Variants in SEPTIN6 observed in about 807,000 individuals in gnomAD.
The protein encoded by SEPTIN6 is septin-6.
SEPTIN6 carries 8 observed loss-of-function variants against 33.6 expected under a neutral mutation model. That is an observed-to-expected ratio of 0.24 (90% CI 0.14 to 0.43). SEPTIN6 has a LOEUF of 0.43. Ranked by LOEUF, SEPTIN6 falls within the 20% of genes least tolerant of loss-of-function variation. SEPTIN6 has a pLI of 1.00. For synonymous variants in SEPTIN6, 131 were observed against 140.0 expected (o/e 0.94, Z 0.45); for missense variants, 250 against 340.8 (o/e 0.73, Z 2.10).
At chrX:119,676,452 G>GAA (rs1365480577) in intron 1 of SEPTIN6, among the ~76,000 whole-genome samples, 2 of 91,304 alleles carry the variant, frequency 2.2e-5, no homozygotes, top group East Asian at 6.9e-4. Flanking sequence ...CAATAAGAGC[G>GAA]AAACTCTGTC....
downstream of SEPTIN6, chrX:119,616,306 C>G (rs937159882): frequency 3.2e-6 from 1 of 311,584 alleles, no homozygotes; most frequent in East Asian, 5.5e-5. Flanking sequence ...GACAGTCAAC[C>G]CATCGAACCA....
intron 5 of SEPTIN6, among the ~76,000 whole-genome samples, chrX:119,641,076 A>C (rs2054153276): frequency 8.9e-6 from 1 of 112,447 alleles, no homozygotes; most frequent in Admixed American, 9.4e-5. Context: ...CACACAGATT[A>C]CCAAACTATT....
At chrX:119,669,210 T>C (rs2054701284) in intron 2 of SEPTIN6, among the ~76,000 whole-genome samples, 1 of 113,410 alleles carries the variant, frequency 8.8e-6, no homozygotes, top group African/African-American at 3.2e-5. Flanking sequence ...TTTTAACCAA[T>C]GTGCTCTAGC....
intron 1 of SEPTIN6, among the ~76,000 whole-genome samples, chrX:119,687,247 T>C (rs1400009893): frequency 1.0e-5 from 1 of 98,004 alleles, no homozygotes; most frequent in African/African-American, 4.7e-5. Flanking sequence ...CTTTCATCTG[T>C]CTTTTTTTTT....
At chrX:119,637,593 TCATCCATCCATC>T (rs199984540) in intron 6 of SEPTIN6, among the ~76,000 whole-genome samples, 27 of 74,625 alleles carry the variant, frequency 3.6e-4, no homozygotes, top group African/African-American at 1.4e-3. Context: ...ATCCATCCAC[TCATCCATCCATC>T]CATCCATCCA....
chrX:119,641,421 G>A (rs941830180), intron 5 of SEPTIN6, among the ~76,000 whole-genome samples: 1 of 112,172 alleles, frequency 8.9e-6, no homozygotes, highest in Middle Eastern at 4.2e-3. Flanking sequence ...CAGAAGACAC[G>A]CTCCCTCGCC....
intron 5 of SEPTIN6, among the ~76,000 whole-genome samples, chrX:119,641,767 T>C (rs892042979): frequency 3.6e-5 from 4 of 112,413 alleles, no homozygotes; most frequent in African/African-American, 1.3e-4. Context: ...TTGTAAGTGC[T>C]AAGTCACCAC....
chrX:119,624,395 G>C (rs780389386), intron 10 of SEPTIN6, among the ~76,000 whole-genome samples: 29 of 110,270 alleles, frequency 2.6e-4, no homozygotes, highest in African/African-American at 9.6e-4. Context: ...GGCTGGTCTC[G>C]AACTCCCGAC....
chrX:119,663,009 G>A (rs1279451552), intron 3 of SEPTIN6, among the ~76,000 whole-genome samples: 1 of 112,251 alleles, frequency 8.9e-6, no homozygotes, highest in Non-Finnish European at 1.9e-5. Flanking sequence ...TCCCTACGTG[G>A]AATTGATGGT....
chrX:119,646,183 G>A (rs1344338891), intron 5 of SEPTIN6, among the ~76,000 whole-genome samples: 1 of 111,522 alleles, frequency 9.0e-6, no homozygotes, highest in Non-Finnish European at 1.9e-5. Context: ...ACCATTGGCT[G>A]ATTTGCTCTC....
chrX:119,635,607 C>T (rs183773848), intron 7 of SEPTIN6, among the ~76,000 whole-genome samples: 19 of 111,476 alleles, frequency 1.7e-4, no homozygotes, highest in African/African-American at 6.2e-4. Flanking sequence ...GCATAAAGTG[C>T]TGCGTTGATA....
At chrX:119,633,619 G>A in intron 7 of SEPTIN6, 127 bp from the exon 8 acceptor site, 2 of 909,926 alleles carry the variant, frequency 2.2e-6, no homozygotes, top group Non-Finnish European at 3.0e-6. Flanking sequence ...TACAAAAATA[G>A]AACCACAAAG....
chrX:119,633,540 T>A, intron 7 of SEPTIN6, 48 bp from the exon 8 acceptor site: 1 of 1,154,799 alleles, frequency 8.7e-7, no homozygotes, highest in Non-Finnish European at 1.2e-6. Flanking sequence ...ATGATTCCTA[T>A]TTGATAAAAC....
intron 3 of SEPTIN6, among the ~76,000 whole-genome samples, chrX:119,662,159 GTTC>G (rs941182578): frequency 1.8e-5 from 2 of 110,636 alleles, no homozygotes; most frequent in Non-Finnish European, 3.8e-5. Context: ...TTAGCCCAGT[GTTC>G]TTCTTACTCT....
intron 1 of SEPTIN6, among the ~76,000 whole-genome samples, chrX:119,685,912 C>T (rs961476381): frequency 1.8e-5 from 2 of 111,209 alleles, no homozygotes; most frequent in Admixed American, 9.6e-5. Context: ...CTTTTGACTG[C>T]GGCCTAAGTC....
At position 119,629,306 on chromosome X, in the gene SEPTIN6, C is replaced by T. The variant is rs1480345319; in HGVS notation, c.1280+12G>A. 2 of 1,208,300 alleles carry T rather than the reference C, an allele frequency of 1.7e-6. No individual in the cohort carries two copies. Among genetic ancestry groups the T allele is most frequent in the Admixed American group, 4.4e-5 (2 of 45,899 alleles). On this transcript the variant is annotated intron_variant, in intron 9 of 10. Coordinates refer to ENST00000394610, the MANE Select transcript of SEPTIN6 (RefSeq NM_145799.4). Reference sequence around the variant, plus strand: ...AAGAGAAGGCACCACCCCAGAGCAGCCTGCTACTTACTTTTTCTTCTCTTT... The same window carrying T: ...AAGAGAAGGCACCACCCCAGAGCAGTCTGCTACTTACTTTTTCTTCTCTTT...
chrX:119,657,261 T>C (rs949859452), intron 3 of SEPTIN6, among the ~76,000 whole-genome samples: 6 of 110,705 alleles, frequency 5.4e-5, no homozygotes, highest in Admixed American at 9.7e-5. Context: ...CCTTATTTCT[T>C]AGTATCTCTG....
intron 3 of SEPTIN6, among the ~76,000 whole-genome samples, chrX:119,657,986 G>T (rs1183129156): frequency 9.0e-6 from 1 of 111,109 alleles, no homozygotes; most frequent in African/African-American, 3.3e-5. Context: ...AATTAGCCGG[G>T]CGTGGTGGTG....
At chrX:119,650,661 C>T (rs748745286) in intron 4 of SEPTIN6, among the ~76,000 whole-genome samples, 42 of 110,923 alleles carry the variant, frequency 3.8e-4, no homozygotes, top group East Asian at 1.7e-3. Context: ...TAGCCCAAGC[C>T]GGGTGTGATA....
Sources: allele counts gnomAD v4.1 joint callset (sites outside exome capture counted in the v4.1 genomes callset), GRCh38; gene constraint gnomAD v4.1.1; transcripts MANE v1.5; gene names NCBI Gene and HGNC (gene_info 2026-07-23, HGNC 2026-07-21).